RGS5: variants seen among roughly 807,000 people sequenced by gnomAD.
RGS5 encodes the protein regulator of G-protein signalling 5.
A neutral mutation model predicts 18.9 loss-of-function variants in RGS5; 20 were observed. That is an observed-to-expected ratio of 1.06 (90% confidence interval 0.74 to 1.54). The LOEUF (loss-of-function observed/expected upper bound fraction) is 1.54, where lower values mean the gene tolerates loss of function less well. Ranked by LOEUF, RGS5 falls within the 40% of genes most tolerant of loss-of-function variation. The pLI is 0.00. For synonymous variants in RGS5, 57 were observed against 76.2 expected (o/e 0.75, Z 1.31); for missense variants, 201 against 211.8 (o/e 0.95, Z 0.32).
At chr1:163,220,532 C>T (rs548264498), upstream of RGS5, among the ~76,000 whole-genome samples, 4 of 152,244 alleles carry the variant, frequency 2.6e-5, no homozygotes, top group East Asian at 1.9e-4. Flanking sequence ...TGATTCTTTA[C>T]GGTGACTTTC....
rs934567521 is a variant in RGS5, at chr1:163,147,405, C to T, written c.483G>A (p.Leu161=). 4 of 1,612,782 alleles carry T rather than the reference C, an allele frequency of 2.5e-6. No individual in the cohort carries two copies. The highest frequency in any genetic ancestry group is 3.4e-6 in the Non-Finnish European group (4 of 1,179,390). The change falls in exon 5 of 5, where the codon CTG becomes CTA. Residue 161 remains leucine (L), a synonymous_variant. Coordinates refer to ENST00000313961, the MANE Select transcript of RGS5 (RefSeq NM_003617.4). ...FDMAQKRIHA[L]MEKDSLPRFV... ...AGCGAGGCAGAGAATCCTTTTCCAT[C>T]AGGGCATGGATTCTTTTCTGGGCCA...
intron 3 of RGS5, among the ~76,000 whole-genome samples, chr1:163,159,256 G>C (rs1382555432): frequency 6.6e-6 from 1 of 152,160 alleles, no homozygotes. Context: ...AGTTTATGAA[G>C]ATTACGGGAT....
At chr1:163,199,385 G>A (rs1228238710) in intron 1 of RGS5, among the ~76,000 whole-genome samples, 1 of 152,120 alleles carries the variant, frequency 6.6e-6, no homozygotes, top group Non-Finnish European at 1.5e-5. Context: ...GACTTTGGCT[G>A]AAAGCTTCCC....
At chr1:163,189,438 G>T (rs140678290) in intron 1 of RGS5, among the ~76,000 whole-genome samples, 1 of 152,168 alleles carries the variant, frequency 6.6e-6, no homozygotes, top group Non-Finnish European at 1.5e-5. Flanking sequence ...ATAAAGAGAC[G>T]TAAAATGGTA....
intron 1 of RGS5, among the ~76,000 whole-genome samples, chr1:163,190,926 A>C (rs1201069725): frequency 6.6e-6 from 1 of 152,192 alleles, no homozygotes; most frequent in East Asian, 1.9e-4. Context: ...GGGGTTCATT[A>C]AAGTAGGACA....
intron 2 of RGS5, among the ~76,000 whole-genome samples, chr1:163,293,490 C>T (rs1334079414): frequency 2.0e-5 from 3 of 152,196 alleles, no homozygotes; most frequent in Admixed American, 2.0e-4. Context: ...TAACCTCCCA[C>T]CAGGTCCCTT....
chr1:163,301,064 A>G (rs1023700483), intron 2 of RGS5, among the ~76,000 whole-genome samples: 3 of 152,234 alleles, frequency 2.0e-5, no homozygotes, highest in Non-Finnish European at 2.9e-5. Context: ...ATATGAATAA[A>G]GGCGGGTACT....
chr1:163,228,474 G>T (rs891812066), intron 2 of RGS5, among the ~76,000 whole-genome samples: 1 of 152,046 alleles, frequency 6.6e-6, no homozygotes, highest in Admixed American at 6.6e-5. Flanking sequence ...GCTGCACACA[G>T]CAAGGGGGCC....
upstream of RGS5, among the ~76,000 whole-genome samples, chr1:163,205,192 T>C (rs1318843610): frequency 6.6e-6 from 1 of 152,012 alleles, no homozygotes; most frequent in Non-Finnish European, 1.5e-5. Context: ...TCCTATTCAA[T>C]AAAGTTTCAA....
intron 1 of RGS5, among the ~76,000 whole-genome samples, chr1:163,313,992 GATAT>G (rs66612944): frequency 2.6e-5 from 2 of 77,690 alleles, no homozygotes; most frequent in African/African-American, 9.3e-5. Context: ...AAGTAAATAA[GATAT>G]ATATGTGTGT....
intron 1 of RGS5, among the ~76,000 whole-genome samples, chr1:163,317,313 A>C (rs887264161): frequency 1.3e-5 from 2 of 152,330 alleles, no homozygotes; most frequent in Non-Finnish European, 2.9e-5. Context: ...CTGTGGATAC[A>C]TGACAGCAAA....
At chr1:163,274,603 TTGTTTG>T (rs1456730157) in intron 2 of RGS5, among the ~76,000 whole-genome samples, 1 of 152,184 alleles carries the variant, frequency 6.6e-6, no homozygotes, top group Non-Finnish European at 1.5e-5. Flanking sequence ...AATTTATAAC[TTGTTTG>T]TCAGGATACC....
chr1:163,264,629 T>G (rs1328875025), intron 2 of RGS5, among the ~76,000 whole-genome samples: 2 of 152,136 alleles, frequency 1.3e-5, no homozygotes, highest in Admixed American at 1.3e-4. Flanking sequence ...CTCAAAGTCC[T>G]TCTTCCACTT....
chr1:163,247,601 T>C (rs1647980290), intron 2 of RGS5, among the ~76,000 whole-genome samples: 2 of 150,844 alleles, frequency 1.3e-5, no homozygotes, highest in Admixed American at 1.3e-4. Flanking sequence ...TATATATATA[T>C]GTATACGTAT....
At chr1:163,194,552 G>A (rs952747247) in intron 1 of RGS5, among the ~76,000 whole-genome samples, 4 of 152,082 alleles carry the variant, frequency 2.6e-5, no homozygotes. Flanking sequence ...CCACTAGGTA[G>A]TAGAAGCCAG....
Position 163,202,798 on chromosome 1 carries a change from A to C in RGS5, c.38T>G (p.Leu13Arg). Residue 13 changes from leucine to arginine, a missense_variant, in exon 1 of 5, where the codon CTG (leucine) becomes CGG (arginine). Coordinates refer to ENST00000313961, the MANE Select transcript of RGS5 (RefSeq NM_003617.4). Reference sequence around the variant, plus strand: ...AAAATAACTTGGTTCTCACCTTTCCAGGCATGAGTGGGGCAAAGCTGCAAG... The same window carrying C: ...AAAATAACTTGGTTCTCACCTTTCCCGGCATGAGTGGGGCAAAGCTGCAAG... ...KGLAALPHSC[L>R]ERAKEIKIKL... 6.2e-7 allele frequency: 1 copy of C among 1,613,446 alleles called. No homozygotes were observed. The highest frequency in any genetic ancestry group is 8.5e-7 in the Non-Finnish European group (1 of 1,179,604).
chr1:163,276,884 G>A (rs1315339315), intron 2 of RGS5, among the ~76,000 whole-genome samples: 1 of 152,184 alleles, frequency 6.6e-6, no homozygotes, highest in East Asian at 1.9e-4. Flanking sequence ...TCTCGGCCAA[G>A]GGCATTCCAA....
In RGS5 at chr1:163,142,725, A is replaced by G. The variant is rs1258971404; in HGVS notation, c.*4617T>C. 2 of 152,154 alleles carry G rather than the reference A, an allele frequency of 1.3e-5. No individual in the cohort carries two copies. The highest frequency in any genetic ancestry group is 4.8e-5 in the African/African-American group (2 of 41,434). The allele number at this position is 152,154 out of a possible 1,614,324, so 9.4% of individuals were successfully genotyped here. A position where few individuals can be genotyped will look rare whatever the true frequency, so the allele number is the denominator to read the frequency against. On this transcript the variant is annotated 3_prime_UTR_variant, in exon 5 of 5. Transcript: ENST00000313961. ...AAAGGAAGTTAAATGCTTTTAATGT[A>G]TTAATTATTACATTATTGAAGTTGG...
chr1:163,299,048 T>C (rs1649492089), intron 2 of RGS5, among the ~76,000 whole-genome samples: 1 of 152,176 alleles, frequency 6.6e-6, no homozygotes, highest in Non-Finnish European at 1.5e-5. Flanking sequence ...AAACACTGTT[T>C]CATGGGAATT....
Sources: gnomAD v4.1 joint callset for allele counts (sites outside exome capture counted in the v4.1 genomes callset) on GRCh38, gnomAD v4.1.1 for gene constraint, MANE v1.5 for transcripts, NCBI Gene and HGNC (gene_info 2026-07-23, HGNC 2026-07-21) for gene names.